Variants in BBX observed in about 807,000 individuals in gnomAD.
BBX encodes the protein BBX high mobility group box domain containing, also known as HMG box transcription factor BBX.
BBX carries 30 observed loss-of-function variants against 100.2 expected under a neutral mutation model. The ratio of observed to expected loss-of-function variants is 0.30; its 90% CI spans 0.22 to 0.41. The LOEUF (loss-of-function observed/expected upper bound fraction) is 0.41, where lower values mean the gene tolerates loss of function less well. Among genes scored for constraint, BBX ranks in the 10% least tolerant of loss-of-function variants. BBX has a pLI of 1.00. For missense variants in BBX, 1,023 were observed against 1,129.8 expected (o/e 0.91, Z 1.35); for synonymous variants, 376 against 388.1 (o/e 0.97, Z 0.37).
At chr3:107,628,972 G>C (rs2056378823) in intron 2 of BBX, among the ~76,000 whole-genome samples, 1 of 152,090 alleles carries the variant, frequency 6.6e-6, no homozygotes, top group Non-Finnish European at 1.5e-5. Context: ...TTTTCCACTT[G>C]AAAGAAGTGT....
At chr3:107,539,601 A>G (rs548924560) in intron 2 of BBX, among the ~76,000 whole-genome samples, 3 of 152,274 alleles carry the variant, frequency 2.0e-5, no homozygotes, top group Admixed American at 6.5e-5. Context: ...TTAAAATGCT[A>G]TTCCCCTCAG....
intron 9 of BBX, among the ~76,000 whole-genome samples, chr3:107,754,242 G>A (rs571737968): frequency 3.9e-5 from 6 of 152,288 alleles, no homozygotes; most frequent in Middle Eastern, 6.8e-3. Context: ...ACTGAGAGCC[G>A]GTGGTATTAA....
At chr3:107,734,146 A>C (rs2063494055) in intron 7 of BBX, among the ~76,000 whole-genome samples, 1 of 152,208 alleles carries the variant, frequency 6.6e-6, no homozygotes, top group Non-Finnish European at 1.5e-5. Flanking sequence ...CTATTCAAAT[A>C]GTGGTTTTGT....
intron 2 of BBX, among the ~76,000 whole-genome samples, chr3:107,574,199 GA>G (rs1341669522): frequency 6.6e-6 from 1 of 151,880 alleles, no homozygotes; most frequent in South Asian, 2.1e-4. Context: ...TTATTCTTCT[GA>G]AAAAAAAGTT....
intron 2 of BBX, among the ~76,000 whole-genome samples, chr3:107,530,173 C>A (rs1194497568): frequency 6.6e-6 from 1 of 152,148 alleles, no homozygotes; most frequent in Non-Finnish European, 1.5e-5. Flanking sequence ...AAGTGGATCA[C>A]CTGAGGTCAG....
At chr3:107,672,948 A>G (rs2059095518) in intron 3 of BBX, among the ~76,000 whole-genome samples, 1 of 152,052 alleles carries the variant, frequency 6.6e-6, no homozygotes, top group South Asian at 2.1e-4. Context: ...CCCATGGATG[A>G]CTTTGTACTA....
At chr3:107,564,127 G>T (rs1036504457) in intron 2 of BBX, among the ~76,000 whole-genome samples, 16 of 151,736 alleles carry the variant, frequency 1.1e-4, no homozygotes, top group Admixed American at 9.9e-4. Flanking sequence ...AATTTTCCAT[G>T]ATAACTGGGG....
intron 3 of BBX, among the ~76,000 whole-genome samples, chr3:107,709,001 GA>G (rs1455472576): frequency 6.6e-6 from 1 of 152,164 alleles, no homozygotes; most frequent in Non-Finnish European, 1.5e-5. Context: ...CAAGCAGTTG[GA>G]GGGAGGTTAT....
intron 2 of BBX, among the ~76,000 whole-genome samples, chr3:107,596,404 T>G (rs1199066133): frequency 6.6e-6 from 1 of 152,198 alleles, no homozygotes; most frequent in African/African-American, 2.4e-5. Flanking sequence ...ATCTGTGCAC[T>G]CATGTCAGTT....
At chr3:107,540,232 A>G (rs1240366817) in intron 2 of BBX, among the ~76,000 whole-genome samples, 3 of 152,214 alleles carry the variant, frequency 2.0e-5, no homozygotes, top group East Asian at 3.8e-4. Flanking sequence ...AGATAGGCCA[A>G]CTATGGGTAG....
intron 7 of BBX, among the ~76,000 whole-genome samples, chr3:107,735,686 G>C (rs1478128692): frequency 6.6e-6 from 1 of 151,958 alleles, no homozygotes; most frequent in African/African-American, 2.4e-5. Flanking sequence ...TAAAGTCCCA[G>C]ATTAAAAGCC....
chr3:107,798,800 G>C (rs531288740), intron 16 of BBX, 80 bp downstream of exon 16: 8 of 1,318,532 alleles, frequency 6.1e-6, no homozygotes, highest in Admixed American at 2.0e-5. Flanking sequence ...ATTGTCTTGA[G>C]CCACAATGAA....
intron 3 of BBX, among the ~76,000 whole-genome samples, chr3:107,679,371 G>A (rs1042182479): frequency 1.1e-4 from 17 of 152,070 alleles, no homozygotes; most frequent in African/African-American, 4.1e-4. Context: ...CCAAAATTCA[G>A]GCTCATAGAG....
chr3:107,668,746 G>A (rs976268662), intron 3 of BBX, among the ~76,000 whole-genome samples: 5 of 152,144 alleles, frequency 3.3e-5, no homozygotes, highest in East Asian at 1.9e-4. Flanking sequence ...ATTTGAGTAC[G>A]TTTCCTTTTC....
intron 9 of BBX, among the ~76,000 whole-genome samples, chr3:107,749,799 A>G (rs1487942112): frequency 6.6e-6 from 1 of 151,960 alleles, no homozygotes; most frequent in Non-Finnish European, 1.5e-5. Context: ...ACGCCCGGCT[A>G]ATTTTTGTAT....
intron 7 of BBX, among the ~76,000 whole-genome samples, chr3:107,738,706 CTCCTGTG>C (rs929190111): frequency 2.0e-5 from 3 of 152,162 alleles, no homozygotes; most frequent in South Asian, 2.1e-4. Flanking sequence ...CTGGCCACTT[CTCCTGTG>C]TCCTGTGTCC....
chr3:107,737,304 CAG>C (rs10575069), intron 7 of BBX, among the ~76,000 whole-genome samples: 2,177 of 142,696 alleles, frequency 0.015, 45 homozygotes, highest in African/African-American at 0.047. Context: ...TACATACACA[CAG>C]AGAGAGAGAG....
At position 107,810,547 on chromosome 3, in the gene BBX, A is replaced by G. The variant is rs2071245016; in HGVS notation, c.*5090A>G. 6.6e-6 allele frequency: 1 copy of G among 152,198 alleles called. No homozygotes were observed. Among genetic ancestry groups the G allele is most frequent in the South Asian group, 2.1e-4 (1 of 4,830 alleles). The allele number at this position is 152,198 out of a possible 1,614,324, so 9.4% of individuals were successfully genotyped here. A position where few individuals can be genotyped will look rare whatever the true frequency, so the allele number is the denominator to read the frequency against. On this transcript the variant is annotated 3_prime_UTR_variant, in exon 18 of 18. Transcript: ENST00000325805. ...TCTAACCTAAATCACAGAGACATGC[A>G]TGTTTCATGCATTAACACTGATTTC... is the stretch of plus-strand genomic sequence containing the variant.
In BBX at chr3:107,707,046, T is replaced by G. The variant is rs540854584; in HGVS notation, c.-9-3406T>G. Among the ~76,000 whole-genome samples the G allele has an allele frequency of 2.6e-5, 4 of 152,356 alleles. No individual in the cohort carries two copies. The East Asian group carries it at 7.7e-4, about 29-fold the overall frequency. ...ACTATAAATTATTAAAGTGCACAGT[T>G]TATACTTTGAGGTATTTCATAGTTA... is the stretch of plus-strand genomic sequence containing the variant. On this transcript the variant is annotated intron_variant, in intron 3 of 17. Transcript: ENST00000325805.
Sources: allele counts gnomAD v4.1 joint callset (sites outside exome capture counted in the v4.1 genomes callset), GRCh38; gene constraint gnomAD v4.1.1; transcripts MANE v1.5; gene names NCBI Gene and HGNC (gene_info 2026-07-23, HGNC 2026-07-21).